Variants in TP63 observed in about 807,000 individuals in gnomAD.
TP63 encodes tumor protein p63.
TP63 carries 17 observed loss-of-function variants against 82.8 expected under a neutral mutation model. The ratio of observed to expected loss-of-function variants is 0.21; its 90% CI spans 0.14 to 0.31. The LOEUF (loss-of-function observed/expected upper bound fraction) is 0.31, where lower values mean the gene tolerates loss of function less well. Among genes scored for constraint, TP63 ranks in the 10% least tolerant of loss-of-function variants. TP63 has a pLI of 1.00. For synonymous variants in TP63, 330 were observed against 321.7 expected, an observed-to-expected ratio of 1.03 and a Z score of -0.28; for missense variants, 648 against 895.3, an observed-to-expected ratio of 0.72 and a Z score of 3.52.
intron 3 of TP63, among the ~76,000 whole-genome samples, chr3:189,756,294 G>A (rs149063325): frequency 6.6e-6 from 1 of 152,204 alleles, no homozygotes; most frequent in Non-Finnish European, 1.5e-5. Context: ...TCTAATTTTT[G>A]GAAAGTGGAT....
the TP63 span, among the ~76,000 whole-genome samples, chr3:189,597,734 A>G: frequency 6.6e-6 from 1 of 152,094 alleles, no homozygotes; most frequent in Non-Finnish European, 1.5e-5. Flanking sequence ...AGACCAGCCT[A>G]GGCAACATGG....
chr3:189,762,938 G>A (rs1040522373), intron 3 of TP63, among the ~76,000 whole-genome samples: 1 of 152,116 alleles, frequency 6.6e-6, no homozygotes, highest in African/African-American at 2.4e-5. Context: ...CAATAAATGG[G>A]CATCCATCAT....
intron 3 of TP63, among the ~76,000 whole-genome samples, chr3:189,756,439 T>C (rs1560161089): frequency 1.3e-5 from 2 of 152,206 alleles, no homozygotes; most frequent in Non-Finnish European, 2.9e-5. Context: ...GGCAGCACTT[T>C]GTTAAAGAGT....
intron 5 of TP63, 45 bp downstream of exon 5, chr3:189,864,463 C>T: frequency 6.6e-7 from 1 of 1,522,532 alleles, no homozygotes; most frequent in South Asian, 1.2e-5. Flanking sequence ...CCTTGAAGGT[C>T]AAGATTCTGT....
At chr3:189,760,836 T>C (rs1460870784) in intron 3 of TP63, among the ~76,000 whole-genome samples, 2 of 152,314 alleles carry the variant, frequency 1.3e-5, no homozygotes, top group African/African-American at 4.8e-5. Flanking sequence ...GGCATTTCCA[T>C]ACATGTTCTG....
chr3:189,667,413 T>A (rs1231880149), intron 1 of TP63, among the ~76,000 whole-genome samples: 2 of 151,946 alleles, frequency 1.3e-5, no homozygotes, highest in Non-Finnish European at 2.9e-5. Flanking sequence ...GACCTCTTGG[T>A]CTACTCGCCT....
At chr3:189,725,131 T>C (rs1719678913) in intron 1 of TP63, among the ~76,000 whole-genome samples, 1 of 152,242 alleles carries the variant, frequency 6.6e-6, no homozygotes, top group Admixed American at 6.5e-5. Context: ...TTGTGATTTA[T>C]ATAAACCACA....
chr3:189,876,533 TCATTTAACTGTATTATATG>T (rs1457347687), intron 10 of TP63, among the ~76,000 whole-genome samples: 1 of 152,242 alleles, frequency 6.6e-6, no homozygotes, highest in Admixed American at 6.5e-5. Context: ...CCTGGTGTGT[TCATTTAACTGTATTATATG>T]CATGCTTTTG....
intron 3 of TP63, among the ~76,000 whole-genome samples, chr3:189,779,876 C>A (rs914188578): frequency 1.3e-5 from 2 of 152,162 alleles, no homozygotes; most frequent in Admixed American, 1.3e-4. Context: ...TGCATACTTT[C>A]CAAGCTGCAG....
intron 1 of TP63, among the ~76,000 whole-genome samples, chr3:189,665,911 A>T (rs1714346602): frequency 6.6e-6 from 1 of 152,104 alleles, no homozygotes; most frequent in African/African-American, 2.4e-5. Context: ...TAAAAGCATT[A>T]TTTGAACCTG....
At chr3:189,726,136 T>C (rs574734049) in intron 1 of TP63, among the ~76,000 whole-genome samples, 10 of 152,274 alleles carry the variant, frequency 6.6e-5, no homozygotes, top group Admixed American at 5.2e-4. Flanking sequence ...CAAATTTATA[T>C]TTAAGAAAAA....
intron 1 of TP63, among the ~76,000 whole-genome samples, chr3:189,680,909 G>A (rs1170099914): frequency 1.3e-5 from 2 of 152,196 alleles, no homozygotes; most frequent in Admixed American, 1.3e-4. Context: ...AGATGAGCCT[G>A]GAGTCTGGGT....
intron 3 of TP63, among the ~76,000 whole-genome samples, chr3:189,761,668 G>A (rs1007954012): frequency 3.3e-5 from 5 of 152,082 alleles, no homozygotes; most frequent in African/African-American, 7.2e-5. Context: ...TTGCTTCCAC[G>A]TTTTTGGGTA....
chr3:189,620,939 A>G, the TP63 span, among the ~76,000 whole-genome samples: 2 of 152,328 alleles, frequency 1.3e-5, no homozygotes, highest in South Asian at 4.1e-4. Flanking sequence ...GCTTTCATTC[A>G]TCTTGGCATA....
At chr3:189,894,054 A>C in intron 13 of TP63, 152 bp from the exon 14 acceptor site, 1 of 1,007,974 alleles carries the variant, frequency 9.9e-7, no homozygotes. Context: ...ATAGAGTTGA[A>C]GACTCAGAGA....
At chr3:189,797,264 A>G (rs1158878910) in intron 3 of TP63, among the ~76,000 whole-genome samples, 1 of 152,124 alleles carries the variant, frequency 6.6e-6, no homozygotes, top group Non-Finnish European at 1.5e-5. Flanking sequence ...GAAACACTAC[A>G]AAAGAAATAG....
intron 10 of TP63, chr3:189,880,934 A>T: frequency 1.0e-6 from 1 of 985,440 alleles, no homozygotes; most frequent in Non-Finnish European, 1.2e-6. Flanking sequence ...ACCTACTACA[A>T]AAAAACTGTT....
chr3:189,687,756 C>T (rs1227811980), intron 1 of TP63, among the ~76,000 whole-genome samples: 1 of 152,080 alleles, frequency 6.6e-6, no homozygotes, highest in African/African-American at 2.4e-5. Context: ...AGTATTGTAT[C>T]GTTACCCTCA....
intron 1 of TP63, among the ~76,000 whole-genome samples, chr3:189,637,182 G>A (rs1729836200): frequency 6.6e-6 from 1 of 151,998 alleles, no homozygotes; most frequent in Admixed American, 6.6e-5. Context: ...AGGAATACCT[G>A]GAACATCCAT....
Sources: gnomAD v4.1 joint callset for allele counts (sites outside exome capture counted in the v4.1 genomes callset) on GRCh38, gnomAD v4.1.1 for gene constraint, MANE v1.5 for transcripts, NCBI Gene and HGNC (gene_info 2026-07-23, HGNC 2026-07-21) for gene names.